Variants in NTM observed in about 807,000 individuals in gnomAD.
NTM encodes neurotrimin.
In NTM, 13 loss-of-function variants were observed where a neutral mutation model predicts 42.1. The ratio of observed to expected loss-of-function variants is 0.31; its 90% CI spans 0.20 to 0.49. The LOEUF (loss-of-function observed/expected upper bound fraction) is 0.49. Among genes scored for constraint, NTM ranks in the 20% least tolerant of loss-of-function variants. NTM has a pLI of 0.99. For synonymous variants in NTM, 187 were observed against 179.2 expected, an observed-to-expected ratio of 1.04 and a Z score of -0.35; for missense variants, 373 against 452.8, an observed-to-expected ratio of 0.82 and a Z score of 1.60.
chr11:132,052,979 C>T (rs2079076021), intron 2 of NTM, among the ~76,000 whole-genome samples: 1 of 152,026 alleles, frequency 6.6e-6, no homozygotes. Flanking sequence ...ACAACAACAA[C>T]AAAATACTGC....
chr11:131,718,580 C>T (rs1448163041), intron 1 of NTM, among the ~76,000 whole-genome samples: 1 of 152,174 alleles, frequency 6.6e-6, no homozygotes, highest in Non-Finnish European at 1.5e-5. Context: ...ACTGTTCCTT[C>T]CAATCTTCTG....
intron 2 of NTM, among the ~76,000 whole-genome samples, chr11:132,035,913 C>G (rs2076453944): frequency 6.6e-6 from 1 of 152,150 alleles, no homozygotes; most frequent in African/African-American, 2.4e-5. Flanking sequence ...GCTAAGAATT[C>G]CCTTATCTCT....
intron 1 of NTM, among the ~76,000 whole-genome samples, chr11:131,524,169 C>T (rs1404372594): frequency 6.6e-6 from 1 of 152,168 alleles, no homozygotes; most frequent in African/African-American, 2.4e-5. Context: ...CTGGGCTGGT[C>T]TAGGGGATCC....
chr11:132,146,374 G>T lies in NTM; in HGVS notation c.260G>T (p.Arg87Leu), dbSNP rs1322181923. 2 of 1,614,040 alleles carry T rather than the reference G, an allele frequency of 1.2e-6. No homozygotes were observed. The highest frequency in any genetic ancestry group is 2.7e-5 in the African/African-American group (2 of 74,918). Residue 87 changes from arginine to leucine, a missense_variant, in exon 3 of 9, where the codon CGC becomes CTC. Physicochemically the swap from Arg to Leu is moderately radical, Grantham distance 102. This residue lies in a region of NTM where 312 missense variants were observed against 353.5 expected (regional missense o/e 0.88). Transcript: ENST00000683400. This position sits in a 1 kb window ranked among gnomAD's most constrained non-coding sequence, Gnocchi z 4.5. ...AGNDKWCLDP[R>L]VVLLSNTQTQ... ...AATGACAAGTGGTGCCTGGATCCTC[G>T]CGTGGTCCTTCTGAGCAACACCCAA...
chr11:131,657,682 A>G (rs2067384616), intron 1 of NTM, among the ~76,000 whole-genome samples: 1 of 152,226 alleles, frequency 6.6e-6, no homozygotes, highest in South Asian at 2.1e-4. Context: ...TTATCGCTGG[A>G]ATCCCAGCAC....
intron 1 of NTM, among the ~76,000 whole-genome samples, chr11:131,551,113 C>G (rs567886303): frequency 6.6e-6 from 1 of 152,316 alleles, no homozygotes; most frequent in South Asian, 2.1e-4. Context: ...TCAAGCAATC[C>G]TTTTGCCTCT....
intron 1 of NTM, among the ~76,000 whole-genome samples, chr11:131,700,328 C>T (rs1323672865): frequency 6.6e-6 from 1 of 152,088 alleles, no homozygotes; most frequent in Non-Finnish European, 1.5e-5. Context: ...CAATTGTATG[C>T]CTGTCATAAT....
chr11:131,929,449 GT>G (rs71067347), intron 2 of NTM, among the ~76,000 whole-genome samples: 3,979 of 148,150 alleles, frequency 0.027, 169 homozygotes, highest in African/African-American at 0.089. Context: ...CATGTTAGCA[GT>G]TTTTTTTTTT....
intron 1 of NTM, among the ~76,000 whole-genome samples, chr11:131,442,984 T>C (rs1230203557): frequency 6.6e-6 from 1 of 152,122 alleles, no homozygotes; most frequent in East Asian, 1.9e-4. Context: ...TTCTTTTCCT[T>C]TGGTAGATGC....
chr11:131,617,439 A>G (rs1341705735), intron 1 of NTM, among the ~76,000 whole-genome samples: 1 of 152,186 alleles, frequency 6.6e-6, no homozygotes, highest in African/African-American at 2.4e-5. Flanking sequence ...CAAAAACAGC[A>G]AGTATTTATT....
intron 1 of NTM, among the ~76,000 whole-genome samples, chr11:131,736,660 C>A (rs999630901): frequency 2.0e-5 from 3 of 152,130 alleles, no homozygotes; most frequent in Non-Finnish European, 2.9e-5. Flanking sequence ...CACTCCTTGG[C>A]AAGGCAGCCA....
At chr11:131,475,633 T>C (rs898692724) in intron 1 of NTM, among the ~76,000 whole-genome samples, 1 of 152,066 alleles carries the variant, frequency 6.6e-6, no homozygotes, top group Non-Finnish European at 1.5e-5. Flanking sequence ...TCACTTAAAA[T>C]GAGGAAATAT....
At chr11:131,379,925 C>T (rs897776097) in intron 1 of NTM, among the ~76,000 whole-genome samples, 1 of 152,138 alleles carries the variant, frequency 6.6e-6, no homozygotes, top group African/African-American at 2.4e-5. Context: ...TATTAGAGCC[C>T]AGCATATTAT....
Position 131,891,858 on chromosome 11 carries a change from T to C in NTM, c.83-19706T>C, listed in dbSNP as rs186623037. ...TGGGCCTAATTCTTGACAATGGTTC[T>C]GATTCTCATTCGTCTGCTCCTGAAT... is the stretch of plus-strand genomic sequence containing the variant. On this transcript the variant is annotated intron_variant, in intron 1 of 8. Coordinates refer to ENST00000683400, the MANE Select transcript of NTM (RefSeq NM_001352005.2). Among the ~76,000 whole-genome samples the C allele has an allele frequency of 1.5e-3, 229 of 152,378 alleles. 1 individual carries two copies. Among genetic ancestry groups the C allele is most frequent in the African/African-American group, 4.9e-3 (205 of 41,602 alleles).
chr11:131,413,265 A>G (rs1946605869), intron 1 of NTM, among the ~76,000 whole-genome samples: 1 of 152,222 alleles, frequency 6.6e-6, no homozygotes, highest in Admixed American at 6.5e-5. Flanking sequence ...ATCATTTTCC[A>G]AAATATTTAT....
At chr11:131,405,005 A>G (rs536748957) in intron 1 of NTM, among the ~76,000 whole-genome samples, 1 of 152,340 alleles carries the variant, frequency 6.6e-6, no homozygotes, top group African/African-American at 2.4e-5. Context: ...ATTCCCCTGC[A>G]AAACAACAAT....
chr11:131,710,073 T>C (rs2076965805), intron 1 of NTM, among the ~76,000 whole-genome samples: 1 of 152,066 alleles, frequency 6.6e-6, no homozygotes, highest in Admixed American at 6.6e-5. Context: ...ACAAGAACAA[T>C]GTGAGTGCAC....
At chr11:131,375,174 A>G (rs1941789895) in intron 1 of NTM, among the ~76,000 whole-genome samples, 1 of 152,068 alleles carries the variant, frequency 6.6e-6, no homozygotes, top group Non-Finnish European at 1.5e-5. Context: ...CTGTAGGGAA[A>G]AATCTCTCCC....
At chr11:131,695,263 C>G (rs911730786) in intron 1 of NTM, among the ~76,000 whole-genome samples, 4 of 151,338 alleles carry the variant, frequency 2.6e-5, no homozygotes, top group African/African-American at 9.7e-5. Flanking sequence ...CCAGATGCCA[C>G]CTGCACACCT....
Sources: allele counts gnomAD v4.1 joint callset (sites outside exome capture counted in the v4.1 genomes callset), GRCh38; gene constraint gnomAD v4.1.1; regional missense constraint gnomAD v4.1.1; non-coding constraint Gnocchi (gnomAD v3.1); transcripts MANE v1.5; gene names NCBI Gene and HGNC (gene_info 2026-07-23, HGNC 2026-07-21).